Variants in ABCB11 observed in about 807,000 individuals in gnomAD.
ABCB11 encodes the protein bile salt export pump.
ABCB11 carries 95 observed loss-of-function variants against 148.0 expected under a neutral mutation model. The observed-to-expected ratio is 0.64, with a 90% confidence interval of 0.54 to 0.76. The LOEUF (loss-of-function observed/expected upper bound fraction) is 0.76. Ranked by LOEUF, ABCB11 falls within the 30% of genes least tolerant of loss-of-function variation. The pLI, the probability that ABCB11 is intolerant of heterozygous loss-of-function variation, is 0.00. For missense variants in ABCB11, 1,523 were observed against 1,617.8 expected, an observed-to-expected ratio of 0.94 and a Z score of 1.01; for synonymous variants, 591 against 555.4, an observed-to-expected ratio of 1.06 and a Z score of -0.90.
intron 1 of ABCB11, among the ~76,000 whole-genome samples, chr2:169,021,636 T>C (rs145271079): frequency 6.6e-6 from 1 of 152,216 alleles, no homozygotes; most frequent in East Asian, 1.9e-4. Flanking sequence ...ATTTACTACA[T>C]AAAATTTTTC....
In ABCB11 at chr2:168,923,664, T is replaced by C. The variant is rs773958739; in HGVS notation, c.3924A>G (p.Gly1308=). ...GTHEELMAQK[G]AYYKLVTTGS... ...CAGTGGTGACTAGTTTGTAGTAGGC[T>C]CCTTTTTGGGCCATCAGTTCTTCAT... The change falls in exon 28 of 28, where the codon GGA becomes GGG. Residue 1308 remains glycine, a synonymous_variant. Transcript: ENST00000650372. 6.2e-7 allele frequency: 1 copy of C among 1,613,750 alleles called. No homozygotes were observed. The highest frequency in any genetic ancestry group is 2.2e-5 in the East Asian group (1 of 44,848).
intron 19 of ABCB11, among the ~76,000 whole-genome samples, chr2:168,950,998 A>T (rs1200513418): frequency 1.3e-5 from 2 of 151,630 alleles, no homozygotes; most frequent in Non-Finnish European, 3.0e-5. Context: ...GCATACTGCT[A>T]TCCAATTTTT....
chr2:168,964,347 G>T, intron 17 of ABCB11, 39 bp from the exon 18 acceptor site: 1 of 1,484,660 alleles, frequency 6.7e-7, no homozygotes, highest in Non-Finnish European at 9.2e-7. Flanking sequence ...GTAGACTGTG[G>T]CCAGATTGGA....
At chr2:169,024,779 G>A (rs111889161) in intron 1 of ABCB11, among the ~76,000 whole-genome samples, 2 of 151,978 alleles carry the variant, frequency 1.3e-5, no homozygotes, top group African/African-American at 2.4e-5. Flanking sequence ...TGTTTTTAAT[G>A]ACCTTGGCAG....
rs1390180109 is a variant in ABCB11 at position 168,975,564 on chromosome 2, T to TATATTTAA, written c.1308+1012_1308+1013insTTAAATAT. On this transcript the variant is annotated intron_variant, in intron 12 of 27. Transcript: ENST00000650372. ...AAATATATAAATACATAAATATTTT[T>TATATTTAA]ATATTTATAGATAAATATATAAATA... Among the ~76,000 whole-genome samples, 4 of 41,012 alleles carry TATATTTAA rather than the reference T, an allele frequency of 9.8e-5. 1 individual carries two copies. The highest frequency in any genetic ancestry group is 3.9e-4 in the African/African-American group (4 of 10,150). 26.9% of individuals were successfully genotyped at this position (41,012 alleles called of 152,430 possible).
rs193296082 is a variant in ABCB11, at chr2:168,972,078, C to T, written c.1435-28G>A. ...AGAGAGCATGGGCACAACATCACAA[C>T]TTTTGGAATCTTTCAGGGTTCTGAA... On this transcript the variant is annotated intron_variant, in intron 13 of 27. Coordinates refer to ENST00000650372, the MANE Select transcript of ABCB11 (RefSeq NM_003742.4). The T allele has an allele frequency of 9.4e-6, 15 of 1,596,660 alleles. No individual in the cohort carries two copies. In the African/African-American group the frequency reaches 1.7e-4, roughly 19 times the overall value.
At chr2:168,973,219 C>A (rs992174931) in intron 13 of ABCB11, among the ~76,000 whole-genome samples, 1 of 151,944 alleles carries the variant, frequency 6.6e-6, no homozygotes, top group African/African-American at 2.4e-5. Flanking sequence ...AGCTAAGCGA[C>A]GGGGATACGT....
At chr2:168,988,985 T>C (rs912686768) in intron 9 of ABCB11, among the ~76,000 whole-genome samples, 37 of 152,132 alleles carry the variant, frequency 2.4e-4, no homozygotes, top group African/African-American at 8.9e-4. Flanking sequence ...CAGGTTGTTT[T>C]CTTGTCATTG....
intron 22 of ABCB11, 148 bp downstream of exon 22, chr2:168,936,082 C>T (rs1029732698): frequency 2.6e-5 from 19 of 722,256 alleles, no homozygotes; most frequent in South Asian, 6.9e-5. Context: ...GCGCCAAGCA[C>T]GCATAGAAAG....
At chr2:168,987,580 C>T (rs139817787) in intron 9 of ABCB11, among the ~76,000 whole-genome samples, 1 of 152,098 alleles carries the variant, frequency 6.6e-6, no homozygotes, top group Admixed American at 6.6e-5. Context: ...CAGGTGTACA[C>T]CACCATGTCT....
At chr2:169,013,205 A>C in intron 5 of ABCB11, 67 bp downstream of exon 5, 1 of 1,241,468 alleles carries the variant, frequency 8.1e-7, no homozygotes, top group Admixed American at 2.0e-5. Context: ...AATCCCCTCT[A>C]TACATTTTGA....
intron 5 of ABCB11, among the ~76,000 whole-genome samples, chr2:168,998,169 C>T (rs1446027999): frequency 6.6e-6 from 1 of 152,016 alleles, no homozygotes; most frequent in East Asian, 1.9e-4. Context: ...TAAGTAAAAG[C>T]TTTCTAAGGT....
intron 10 of ABCB11, among the ~76,000 whole-genome samples, chr2:168,980,952 A>C (rs960860995): frequency 1.3e-5 from 2 of 152,204 alleles, no homozygotes. Context: ...CCTGTCAACC[A>C]AAGAATGGTC....
intron 5 of ABCB11, among the ~76,000 whole-genome samples, chr2:169,010,712 A>G (rs1695155808): frequency 6.6e-6 from 1 of 152,186 alleles, no homozygotes; most frequent in African/African-American, 2.4e-5. Flanking sequence ...CACCCAAGTC[A>G]TAAGATCGCG....
chr2:168,965,040 T>A (rs951847042), intron 17 of ABCB11, among the ~76,000 whole-genome samples: 2 of 151,768 alleles, frequency 1.3e-5, no homozygotes, highest in African/African-American at 4.8e-5. Context: ...AAGAATGTGG[T>A]AAGTGCTATT....
intron 12 of ABCB11, 49 bp downstream of exon 12, chr2:168,976,528 C>T: frequency 4.4e-6 from 5 of 1,126,332 alleles, no homozygotes; most frequent in Non-Finnish European, 5.0e-6. Context: ...GCAAATAAAT[C>T]ATCGAAGAAG....
intron 9 of ABCB11, among the ~76,000 whole-genome samples, chr2:168,989,480 C>T (rs1694438780): frequency 6.6e-6 from 1 of 152,042 alleles, no homozygotes; most frequent in South Asian, 2.1e-4. Context: ...TTTCACTGGT[C>T]TATGTGTCTG....
At chr2:168,991,441 T>A (rs1573949393) in intron 8 of ABCB11, among the ~76,000 whole-genome samples, 1 of 152,218 alleles carries the variant, frequency 6.6e-6, no homozygotes, top group South Asian at 2.1e-4. Flanking sequence ...TATGTAGTTT[T>A]GATTTTTACA....
intron 5 of ABCB11, among the ~76,000 whole-genome samples, chr2:169,010,976 C>T (rs1695167126): frequency 6.6e-6 from 1 of 152,228 alleles, no homozygotes; most frequent in East Asian, 1.9e-4. Flanking sequence ...TTCTGAAAGC[C>T]TCAGTTTGTA....
Sources: gnomAD v4.1 joint callset for allele counts (sites outside exome capture counted in the v4.1 genomes callset) on GRCh38, gnomAD v4.1.1 for gene constraint, MANE v1.5 for transcripts, NCBI Gene and HGNC (gene_info 2026-07-23, HGNC 2026-07-21) for gene names.